NTN1: variants seen among roughly 807,000 people sequenced by gnomAD.
The protein encoded by NTN1 is netrin-1.
In NTN1, 11 loss-of-function variants were observed where a neutral mutation model predicts 54.2. The ratio of observed to expected loss-of-function variants is 0.20; its 90% CI spans 0.13 to 0.34. The LOEUF (loss-of-function observed/expected upper bound fraction) is 0.34. Among genes scored for constraint, NTN1 ranks in the 10% least tolerant of loss-of-function variants. NTN1 has a pLI of 1.00. For synonymous variants in NTN1, 371 were observed against 382.0 expected (o/e 0.97, Z 0.33); for missense variants, 740 against 893.1 (o/e 0.83, Z 2.18).
chr17:9,222,142 G>A (rs1189937676), intron 6 of NTN1, among the ~76,000 whole-genome samples: 2 of 152,218 alleles, frequency 1.3e-5, no homozygotes, highest in Non-Finnish European at 2.9e-5. Context: ...CTAGCACGGG[G>A]CCTCTCCTTG....
chr17:9,202,367 G>A (rs1904823712), intron 5 of NTN1, among the ~76,000 whole-genome samples: 1 of 152,184 alleles, frequency 6.6e-6, no homozygotes, highest in Non-Finnish European at 1.5e-5. Flanking sequence ...CAGCCTCTAG[G>A]TTCCACACCC....
At chr17:9,094,480 G>A (rs754748438) in intron 2 of NTN1, among the ~76,000 whole-genome samples, 3 of 151,998 alleles carry the variant, frequency 2.0e-5, no homozygotes, top group Non-Finnish European at 2.9e-5. Context: ...ATATAAATGT[G>A]TATATACATA....
chr17:9,091,292 C>T (rs974887379), intron 2 of NTN1, among the ~76,000 whole-genome samples: 1 of 152,088 alleles, frequency 6.6e-6, no homozygotes, highest in African/African-American at 2.4e-5. Flanking sequence ...CTCGCCCTCT[C>T]CCCCAGACTG....
intron 6 of NTN1, among the ~76,000 whole-genome samples, chr17:9,225,484 C>T (rs539597259): frequency 6.6e-6 from 1 of 152,170 alleles, no homozygotes; most frequent in Admixed American, 6.5e-5. Flanking sequence ...AGGACAATGC[C>T]AGGCCCACGG....
At chr17:9,236,703 C>T (rs1304278468) in intron 6 of NTN1, among the ~76,000 whole-genome samples, 1 of 152,206 alleles carries the variant, frequency 6.6e-6, no homozygotes, top group African/African-American at 2.4e-5. Flanking sequence ...GTCCATTGCT[C>T]TATCCCTCTG....
upstream of NTN1, among the ~76,000 whole-genome samples, chr17:9,020,525 T>A (rs1006998845): frequency 6.6e-6 from 1 of 152,236 alleles, no homozygotes; most frequent in African/African-American, 2.4e-5. Flanking sequence ...CAGGCTTCTC[T>A]TCCTGTTTTT....
chr17:9,192,315 A>C (rs1291428632), intron 5 of NTN1, among the ~76,000 whole-genome samples: 2 of 152,238 alleles, frequency 1.3e-5, no homozygotes, highest in Admixed American at 6.5e-5. Context: ...TGGGATAGCC[A>C]TATAATGATG....
chr17:9,229,069 T>C (rs1905708936), intron 6 of NTN1, among the ~76,000 whole-genome samples: 1 of 100,270 alleles, frequency 1.0e-5, no homozygotes, highest in Non-Finnish European at 2.0e-5. Context: ...CGTGTGTGAT[T>C]GTGTTTGTGA....
intron 2 of NTN1, among the ~76,000 whole-genome samples, chr17:9,032,699 G>A (rs776073453): frequency 5.9e-5 from 9 of 152,308 alleles, no homozygotes; most frequent in Non-Finnish European, 8.8e-5. Context: ...TTTGGGTTGG[G>A]CGGCCCCAGG....
chr17:9,221,099 C>T lies in NTN1; in HGVS notation c.1412-69C>T. 8.7e-7 allele frequency: 1 copy of T among 1,149,382 alleles called. No homozygotes were observed. 71.2% of individuals were successfully genotyped at this position (1,149,382 alleles called of 1,614,324 possible). On this transcript the variant is annotated intron_variant, in intron 5 of 6. Transcript: ENST00000173229. This position sits in a 1 kb window ranked among gnomAD's most constrained non-coding sequence, Gnocchi z 4.5. Reference sequence around the variant, plus strand: ...CTATTTAGGGAGGCGGCCTCCTACTCTGCCCGCCAGCCTATTCATCGCCAG... The same window carrying T: ...CTATTTAGGGAGGCGGCCTCCTACTTTGCCCGCCAGCCTATTCATCGCCAG...
intron 5 of NTN1, among the ~76,000 whole-genome samples, chr17:9,202,198 A>C (rs563491909): frequency 6.6e-6 from 1 of 151,612 alleles, no homozygotes; most frequent in Non-Finnish European, 1.5e-5. Context: ...CTGAGATCGC[A>C]CCATTGAACT....
intron 3 of NTN1, among the ~76,000 whole-genome samples, chr17:9,178,586 G>A (rs2092408402): frequency 6.6e-6 from 1 of 152,184 alleles, no homozygotes; most frequent in Admixed American, 6.5e-5. Flanking sequence ...GTTCTAATCT[G>A]GCTGCTTCAG....
In NTN1 at chr17:9,240,044, C is replaced by T; in HGVS notation, c.*76C>T. The T allele has an allele frequency of 1.1e-6, 1 of 934,610 alleles. No individual in the cohort carries two copies. The highest frequency in any genetic ancestry group is 5.8e-5 in the East Asian group (1 of 17,336). The allele number at this position is 934,610 out of a possible 1,614,324, so 57.9% of individuals were successfully genotyped here. ...GAGAGCGGGCGCCTTGGCCCGGCCG[C>T]CGCGGACTTGGCCCGCGAGGGCTTT... is the stretch of plus-strand genomic sequence containing the variant. On this transcript the variant is annotated 3_prime_UTR_variant, in exon 7 of 7. Transcript: ENST00000173229.
At chr17:9,179,489 C>T (rs1171658961) in intron 3 of NTN1, among the ~76,000 whole-genome samples, 1 of 152,252 alleles carries the variant, frequency 6.6e-6, no homozygotes, top group East Asian at 1.9e-4. Context: ...GTGATGAGGG[C>T]TACGGGCTCT....
Position 9,158,781 on chromosome 17 carries a change from G to A in NTN1, c.1019-4032G>A, listed in dbSNP as rs186048161. Among the ~76,000 whole-genome samples, 350 of 152,294 alleles carry A rather than the reference G, an allele frequency of 2.3e-3. 2 individuals carry two copies. Among genetic ancestry groups the A allele is most frequent in the South Asian group, 0.012 (59 of 4,826 alleles). On this transcript the variant is annotated intron_variant, in intron 2 of 6. Transcript: ENST00000173229. ...GTCTGCAGGAGGGCAAGGTGCAGCT[G>A]CAGCCTCTTTCTTTGCACTTGGTTG...
At chr17:9,224,762 T>C (rs1395249410) in intron 6 of NTN1, among the ~76,000 whole-genome samples, 1 of 150,332 alleles carries the variant, frequency 6.7e-6, no homozygotes, top group Non-Finnish European at 1.5e-5. Context: ...TCCACATTTC[T>C]GCTGCAAGAC....
intron 6 of NTN1, among the ~76,000 whole-genome samples, chr17:9,232,128 G>C (rs1905835672): frequency 6.6e-6 from 1 of 152,162 alleles, no homozygotes; most frequent in Non-Finnish European, 1.5e-5. Flanking sequence ...TGCCTCTGGT[G>C]GGCCCAGCCC....
At chr17:9,114,166 A>AAAAAAAAAATATATATATATAT (rs1555569108) in intron 2 of NTN1, among the ~76,000 whole-genome samples, 1 of 74,622 alleles carries the variant, frequency 1.3e-5, no homozygotes, top group Non-Finnish European at 2.5e-5. Context: ...AAAAAAAAAA[A>AAAAAAAAAATATATATATATAT]ATATATATAT....
intron 2 of NTN1, among the ~76,000 whole-genome samples, chr17:9,059,832 A>T (rs1275482879): frequency 1.2e-3 from 2 of 1,680 alleles, no homozygotes; most frequent in African/African-American, 6.3e-3. Flanking sequence ...CAATTACAAA[A>T]AAAAAAAAAA....
Sources: allele counts gnomAD v4.1 joint callset (sites outside exome capture counted in the v4.1 genomes callset), GRCh38; gene constraint gnomAD v4.1.1; non-coding constraint Gnocchi (gnomAD v3.1); transcripts MANE v1.5; gene names NCBI Gene and HGNC (gene_info 2026-07-23, HGNC 2026-07-21).